Variants in GMDS observed in about 807,000 individuals in gnomAD.
GMDS encodes the protein GDP-mannose 4,6 dehydratase.
Under a neutral mutation model 49.9 loss-of-function variants are expected in GMDS, and 20 were observed. The ratio of observed to expected loss-of-function variants is 0.40; its 90% CI spans 0.28 to 0.58. GMDS has a LOEUF of 0.58. Ranked by LOEUF, GMDS falls within the 20% of genes least tolerant of loss-of-function variation. The pLI, the probability that GMDS is intolerant of heterozygous loss-of-function variation, is 0.42. For synonymous variants in GMDS, 177 were observed against 178.6 expected (o/e 0.99, Z 0.07); for missense variants, 362 against 481.4 (o/e 0.75, Z 2.32).
At chr6:1,715,478 A>AC (rs1766141460) in intron 9 of GMDS, among the ~76,000 whole-genome samples, 1 of 152,098 alleles carries the variant, frequency 6.6e-6, no homozygotes, top group Admixed American at 6.5e-5. Context: ...TTCCCCCAGG[A>AC]CCCCAGGTGG....
intron 7 of GMDS, among the ~76,000 whole-genome samples, chr6:1,916,292 G>A (rs757694902): frequency 6.6e-6 from 1 of 152,142 alleles, no homozygotes; most frequent in Non-Finnish European, 1.5e-5. Flanking sequence ...GGAAAATGGG[G>A]CGTCTGCCAG....
Position 1,674,560 on chromosome 6 carries a change from C to CTTTTTTTTTTTTTTTTTT in GMDS, c.988-50038_988-50021dup, listed in dbSNP as rs869292549. On this transcript the variant is annotated intron_variant, in intron 9 of 10. Transcript: ENST00000380815. ...CAACTCATCAACTCTCTCTCTCTCT[C>CTTTTTTTTTTTTTTTTTT]TTTTTTTTTTTTTTTTTTTTTTTTG... Among the ~76,000 whole-genome samples, 5 of 73,438 alleles carry CTTTTTTTTTTTTTTTTTT rather than the reference C, an allele frequency of 6.8e-5. 1 individual carries two copies. The highest frequency in any genetic ancestry group is 1.1e-4 in the Non-Finnish European group (5 of 43,918). 48.2% of individuals were successfully genotyped at this position (73,438 alleles called of 152,430 possible).
intron 1 of GMDS, among the ~76,000 whole-genome samples, chr6:2,222,334 A>G: frequency 6.6e-6 from 1 of 152,166 alleles, no homozygotes; most frequent in East Asian, 1.9e-4. Context: ...GGTGCAGTGA[A>G]TGGGATTCCT....
At chr6:1,784,089 A>G (rs1769216604) in intron 7 of GMDS, among the ~76,000 whole-genome samples, 1 of 152,222 alleles carries the variant, frequency 6.6e-6, no homozygotes, top group African/African-American at 2.4e-5. Context: ...AATAAAAGTA[A>G]TATTTGTATG....
chr6:2,115,727 C>T (rs201833936), intron 4 of GMDS, 44 bp downstream of exon 4: 74 of 985,560 alleles, frequency 7.5e-5, no homozygotes, highest in Non-Finnish European at 6.6e-5. Context: ...AAATACAGAA[C>T]GCCACAGAAA....
chr6:1,649,137 G>A (rs1763575067), intron 9 of GMDS, among the ~76,000 whole-genome samples: 1 of 152,212 alleles, frequency 6.6e-6, no homozygotes, highest in South Asian at 2.1e-4. Flanking sequence ...GGTTCATGGG[G>A]CAGGAATGAC....
At chr6:1,934,289 G>T (rs1446884575) in intron 6 of GMDS, among the ~76,000 whole-genome samples, 2 of 152,168 alleles carry the variant, frequency 1.3e-5, no homozygotes, top group Admixed American at 6.5e-5. Flanking sequence ...TAGCTCTGTG[G>T]CAAGTTTAAA....
chr6:2,012,939 C>G (rs930927059), intron 4 of GMDS, among the ~76,000 whole-genome samples: 3 of 152,136 alleles, frequency 2.0e-5, no homozygotes, highest in Non-Finnish European at 4.4e-5. Flanking sequence ...CAAAAACTTG[C>G]CTTCTCAGGG....
At chr6:2,060,708 G>A (rs538286085) in intron 4 of GMDS, among the ~76,000 whole-genome samples, 49 of 152,300 alleles carry the variant, frequency 3.2e-4, no homozygotes, top group African/African-American at 1.1e-3. Flanking sequence ...AACAAGGTGA[G>A]GGAACACGTC....
chr6:1,995,432 G>A (rs1253680496), intron 4 of GMDS, among the ~76,000 whole-genome samples: 1 of 152,154 alleles, frequency 6.6e-6, no homozygotes, highest in Non-Finnish European at 1.5e-5. Context: ...AACACACTTA[G>A]GGATTCTATC....
At chr6:2,135,053 C>T (rs941957283) in intron 1 of GMDS, among the ~76,000 whole-genome samples, 1 of 152,102 alleles carries the variant, frequency 6.6e-6, no homozygotes, top group African/African-American at 2.4e-5. Flanking sequence ...AGTTAGAGAA[C>T]TTGGCAGAAT....
At chr6:2,148,981 A>C (rs1222172622) in intron 1 of GMDS, among the ~76,000 whole-genome samples, 1 of 152,212 alleles carries the variant, frequency 6.6e-6, no homozygotes, top group Non-Finnish European at 1.5e-5. Flanking sequence ...AGGCTTCCAC[A>C]GCATGGTTAC....
intron 9 of GMDS, among the ~76,000 whole-genome samples, chr6:1,669,757 A>T (rs996682093): frequency 4.6e-5 from 7 of 151,918 alleles, no homozygotes; most frequent in Non-Finnish European, 1.0e-4. Flanking sequence ...TACTAAAAAT[A>T]CAAAAATTAG....
At chr6:1,695,186 C>T (rs1765296754) in intron 9 of GMDS, among the ~76,000 whole-genome samples, 1 of 152,164 alleles carries the variant, frequency 6.6e-6, no homozygotes, top group Non-Finnish European at 1.5e-5. Flanking sequence ...CAATATACCA[C>T]CAGTTCACTA....
intron 4 of GMDS, among the ~76,000 whole-genome samples, chr6:2,096,837 G>T (rs1348263242): frequency 1.3e-5 from 2 of 152,128 alleles, no homozygotes; most frequent in Non-Finnish European, 2.9e-5. Context: ...ATGAACACAT[G>T]ACTTTATATT....
intron 7 of GMDS, among the ~76,000 whole-genome samples, chr6:1,858,814 G>T (rs1253736319): frequency 6.6e-6 from 1 of 152,092 alleles, no homozygotes; most frequent in African/African-American, 2.4e-5. Flanking sequence ...TAATAAAAAC[G>T]ACAATTTTTG....
At chr6:2,222,652 GAGA>G (rs1780645652) in intron 1 of GMDS, among the ~76,000 whole-genome samples, 1 of 152,220 alleles carries the variant, frequency 6.6e-6, no homozygotes, top group Non-Finnish European at 1.5e-5. Context: ...TGTGCTGCTT[GAGA>G]AGGTCAGGGC....
intron 7 of GMDS, among the ~76,000 whole-genome samples, chr6:1,850,730 C>T (rs528300589): frequency 3.3e-5 from 5 of 152,280 alleles, no homozygotes; most frequent in South Asian, 4.1e-4. Context: ...ATTTATCCGG[C>T]GATCTATTCC....
At chr6:1,761,002 TTGTAAC>T (rs1768134595) in intron 7 of GMDS, among the ~76,000 whole-genome samples, 1 of 152,104 alleles carries the variant, frequency 6.6e-6, no homozygotes. Flanking sequence ...AAAACAATGA[TTGTAAC>T]TGTAACATTT....
Sources: gnomAD v4.1 joint callset for allele counts (sites outside exome capture counted in the v4.1 genomes callset) on GRCh38, gnomAD v4.1.1 for gene constraint, MANE v1.5 for transcripts, NCBI Gene and HGNC (gene_info 2026-07-23, HGNC 2026-07-21) for gene names.